Variants in UNC5D observed in about 807,000 individuals in gnomAD.
UNC5D encodes unc-5 netrin receptor D, also known as netrin receptor UNC5D.
Under a neutral mutation model 105.4 loss-of-function variants are expected in UNC5D, and 39 were observed. That is an observed-to-expected ratio of 0.37 (90% CI 0.29 to 0.48). UNC5D has a LOEUF of 0.48. UNC5D is among the 20% of genes least tolerant of loss of function. The pLI is 0.98. For missense variants in UNC5D, 991 were observed against 1,202.4 expected, an observed-to-expected ratio of 0.82 and a Z score of 2.60; for synonymous variants, 452 against 450.4, an observed-to-expected ratio of 1.00 and a Z score of -0.04.
At chr8:35,574,396 T>C (rs1415072392) in intron 3 of UNC5D, among the ~76,000 whole-genome samples, 16 of 152,220 alleles carry the variant, frequency 1.1e-4, no homozygotes, top group Admixed American at 1.0e-3. Context: ...GTATAAAATG[T>C]GATACATCCT....
rs115520303 is a variant in UNC5D at position 35,502,549 on chromosome 8, G to A, written c.104-46743G>A. ...TAAGGATTTTGCATGGATTCTCTTC[G>A]TTTTTTTGTTTGTTTGTTTTCTTTT... On this transcript the variant is annotated intron_variant, in intron 1 of 16. Transcript: ENST00000404895. 8.1e-3 allele frequency among the ~76,000 whole-genome samples: 1,235 copies of A among 151,986 alleles called. 18 individuals carry two copies. The highest frequency in any genetic ancestry group is 0.028 in the African/African-American group (1,173 of 41,454).
rs188665425 is a variant in UNC5D at position 35,680,666 on chromosome 8, C to A, written c.571-2881C>A. Among the ~76,000 whole-genome samples, 6 of 152,216 alleles carry A rather than the reference C, an allele frequency of 3.9e-5. No homozygotes were observed. The East Asian group carries it at 1.2e-3, about 29-fold the overall frequency. ...GCCAAGTTTCTACTTGACGGTTGTA[C>A]CTTTAATTTTCCTCTGAGCCAAGAC... On this transcript the variant is annotated intron_variant, in intron 4 of 16. Coordinates refer to ENST00000404895, the MANE Select transcript of UNC5D (RefSeq NM_080872.4).
intron 4 of UNC5D, among the ~76,000 whole-genome samples, chr8:35,608,199 A>C (rs1298315904): frequency 6.6e-6 from 1 of 152,202 alleles, no homozygotes; most frequent in Non-Finnish European, 1.5e-5. Flanking sequence ...AAAAATGTAT[A>C]TGCTTTTTGG....
intron 1 of UNC5D, among the ~76,000 whole-genome samples, chr8:35,335,145 A>C (rs577809734): frequency 6.6e-6 from 1 of 152,300 alleles, no homozygotes; most frequent in East Asian, 1.9e-4. Context: ...TGAATAGTAT[A>C]TATTGTATAT....
chr8:35,379,490 T>C (rs962836545), intron 1 of UNC5D, among the ~76,000 whole-genome samples: 5 of 152,144 alleles, frequency 3.3e-5, no homozygotes, highest in Non-Finnish European at 7.3e-5. Flanking sequence ...GATGCTGTTG[T>C]CTGTTCCCTT....
At chr8:35,250,939 A>G (rs751333856) in intron 1 of UNC5D, among the ~76,000 whole-genome samples, 12 of 152,130 alleles carry the variant, frequency 7.9e-5, no homozygotes, top group Non-Finnish European at 1.3e-4. Context: ...CTGTTTCTGA[A>G]TTAATTTCCT....
intron 1 of UNC5D, among the ~76,000 whole-genome samples, chr8:35,263,660 T>A (rs918034966): frequency 6.6e-6 from 1 of 152,234 alleles, no homozygotes; most frequent in Non-Finnish European, 1.5e-5. Context: ...ACTTTAGTAT[T>A]TAAAAGATGA....
chr8:35,353,704 C>T (rs548801658), intron 1 of UNC5D, among the ~76,000 whole-genome samples: 3 of 151,850 alleles, frequency 2.0e-5, no homozygotes, highest in Admixed American at 6.6e-5. Context: ...GAAGAAGATA[C>T]CTTCATGTGC....
intron 8 of UNC5D, among the ~76,000 whole-genome samples, chr8:35,713,789 C>T (rs1274402232): frequency 1.3e-5 from 2 of 151,438 alleles, no homozygotes; most frequent in African/African-American, 2.4e-5. Flanking sequence ...AAAGTTGGAG[C>T]CAAAAATAAA....
intron 1 of UNC5D, among the ~76,000 whole-genome samples, chr8:35,296,807 T>C (rs984306815): frequency 6.6e-6 from 1 of 152,196 alleles, no homozygotes; most frequent in African/African-American, 2.4e-5. Flanking sequence ...TTACATTCTG[T>C]GGCCAAAATA....
chr8:35,362,972 A>G (rs151177588), intron 1 of UNC5D, among the ~76,000 whole-genome samples: 13 of 152,234 alleles, frequency 8.5e-5, no homozygotes, highest in Middle Eastern at 3.4e-3. Flanking sequence ...CAGTTTTCCT[A>G]CTAATATCCT....
At position 35,676,802 on chromosome 8, in the gene UNC5D, A is replaced by G. The variant is rs995379948; in HGVS notation, c.571-6745A>G. 2.6e-5 allele frequency among the ~76,000 whole-genome samples: 4 copies of G among 152,124 alleles called. No individual in the cohort carries two copies. The South Asian group carries it at 6.2e-4, about 24-fold the overall frequency. ...AAGGAAATTAAATCCAGTGTAGGGC[A>G]TTGAGCTCCTCTTTGTGATAACATT... On this transcript the variant is annotated intron_variant, in intron 4 of 16. Coordinates refer to ENST00000404895, the MANE Select transcript of UNC5D (RefSeq NM_080872.4).
chr8:35,383,270 C>T (rs1174828748), intron 1 of UNC5D, among the ~76,000 whole-genome samples: 1 of 152,108 alleles, frequency 6.6e-6, no homozygotes, highest in Admixed American at 6.6e-5. Context: ...GCTTTCATTA[C>T]TCTGCCATTT....
chr8:35,637,185 A>G (rs1822433240), intron 4 of UNC5D, among the ~76,000 whole-genome samples: 1 of 152,156 alleles, frequency 6.6e-6, no homozygotes, highest in African/African-American at 2.4e-5. Context: ...GCCCATAAAC[A>G]GGTTTGTACT....
intron 4 of UNC5D, among the ~76,000 whole-genome samples, chr8:35,613,563 A>G (rs557474916): frequency 6.6e-6 from 1 of 152,336 alleles, no homozygotes; most frequent in South Asian, 2.1e-4. Flanking sequence ...TGTTGTTTGC[A>G]GTGAAGAAAC....
intron 1 of UNC5D, among the ~76,000 whole-genome samples, chr8:35,465,597 G>A (rs1475400161): frequency 6.6e-6 from 1 of 152,066 alleles, no homozygotes; most frequent in Non-Finnish European, 1.5e-5. Context: ...ATGTGTCTTT[G>A]TTTCTTTATG....
At chr8:35,403,332 G>T (rs1349018290) in intron 1 of UNC5D, among the ~76,000 whole-genome samples, 2 of 152,206 alleles carry the variant, frequency 1.3e-5, no homozygotes, top group Non-Finnish European at 1.5e-5. Flanking sequence ...GCTAAAGGAA[G>T]ATGCTTCTGT....
intron 1 of UNC5D, among the ~76,000 whole-genome samples, chr8:35,326,268 G>C (rs187579216): frequency 4.0e-4 from 61 of 152,298 alleles, no homozygotes; most frequent in African/African-American, 1.5e-3. Context: ...CTGTGAATAA[G>C]ACTGTAGCGA....
chr8:35,541,463 ACC>A (rs2130632436), intron 1 of UNC5D, among the ~76,000 whole-genome samples: 1 of 152,290 alleles, frequency 6.6e-6, no homozygotes, highest in African/African-American at 2.4e-5. Flanking sequence ...CTTTCCATGT[ACC>A]CATGGCATGT....
Sources: gnomAD v4.1 joint callset for allele counts (sites outside exome capture counted in the v4.1 genomes callset) on GRCh38, gnomAD v4.1.1 for gene constraint, MANE v1.5 for transcripts, NCBI Gene and HGNC (gene_info 2026-07-23, HGNC 2026-07-21) for gene names.